The following TBCEL variants were observed in gnomAD, a reference collection of about 807,000 sequenced individuals.
TBCEL encodes tubulin-specific chaperone cofactor E-like protein.
Under a neutral mutation model 44.2 loss-of-function variants are expected in TBCEL, and 15 were observed. The observed-to-expected ratio is 0.34, with a 90% CI of 0.23 to 0.52. TBCEL has a LOEUF of 0.52. Ranked by LOEUF, TBCEL falls within the 20% of genes least tolerant of loss-of-function variation. The pLI is 0.95. For synonymous variants in TBCEL, 171 were observed against 185.4 expected (o/e 0.92, Z 0.63); for missense variants, 319 against 506.3 (o/e 0.63, Z 3.55).
chr11:121,052,532 A>T (rs926084017), intron 4 of TBCEL, among the ~76,000 whole-genome samples: 10 of 151,802 alleles, frequency 6.6e-5, no homozygotes, highest in African/African-American at 2.4e-4. Flanking sequence ...TCCTTTTCTT[A>T]TAGCTTTTAC....
Position 121,087,083 on chromosome 11 carries a change from C to A in TBCEL, c.1262C>A (p.Ser421Tyr), listed in dbSNP as rs778000015. 1 of 1,612,946 alleles carries A rather than the reference C, an allele frequency of 6.2e-7. No homozygotes were observed. Among genetic ancestry groups the A allele is most frequent in the Admixed American group, 1.7e-5 (1 of 59,858 alleles). The change falls in exon 9 of 9, where the codon TCC becomes TAC. Residue 421 changes from serine (S) to tyrosine (Y), a missense_variant. Ser to Tyr is a moderately radical substitution (Grantham distance 144, BLOSUM62 -2). Transcript: ENST00000683345. Reference sequence around the variant, plus strand: ...GATGGAGATAAAATTTACGTGGAATCCAAAACAAAATAACCTCTACCAGCC... The same window carrying A: ...GATGGAGATAAAATTTACGTGGAATACAAAACAAAATAACCTCTACCAGCC... ...IRDGDKIYVESKTK is the reference protein window; with the variant it reads ...IRDGDKIYVEYKTK
chr11:121,050,206 G>A lies in TBCEL; in HGVS notation c.273+2539G>A, dbSNP rs10160546. On this transcript the variant is annotated intron_variant, in intron 4 of 8. Transcript: ENST00000683345. ...TGGCCAGGCTACAAATGCTTCATAG[G>A]TCGCCTGTTTTAGGACATTACATTT... 8.1e-3 allele frequency among the ~76,000 whole-genome samples: 1,222 copies of A among 151,732 alleles called. 18 individuals are homozygous for A. The highest frequency in any genetic ancestry group is 0.028 in the African/African-American group (1,168 of 41,446).
Position 121,045,767 on chromosome 11 carries a change from G to T in TBCEL, c.77G>T (p.Arg26Leu). 6.2e-7 allele frequency: 1 copy of T among 1,611,440 alleles called. No homozygotes were observed. The highest frequency in any genetic ancestry group is 8.5e-7 in the Non-Finnish European group (1 of 1,179,020). ...KYSPENFPYR[R>L]GPGMGVHVPA... is the part of the protein sequence containing the mutation. ...AGTCCTGAAAATTTTCCTTATCGCC[G>T]TGGCCCGGGGATGGGAGTCCATGTC... The change falls in exon 3 of 9, where the codon CGT (arginine) becomes CTT (leucine). Residue 26 changes from arginine to leucine, a missense_variant. Transcript: ENST00000683345.
At chr11:121,033,584 C>T (rs1591379289) in intron 1 of TBCEL, among the ~76,000 whole-genome samples, 1 of 152,126 alleles carries the variant, frequency 6.6e-6, no homozygotes, top group African/African-American at 2.4e-5. Context: ...GTAGACCTCA[C>T]CTATATTCAT....
chr11:121,059,887 G>T, intron 7 of TBCEL, 82 bp from the exon 8 acceptor site: 1 of 945,984 alleles, frequency 1.1e-6, no homozygotes. Context: ...AATAAGACTG[G>T]GCCACAAGCC....
chr11:121,040,173 T>G (rs1024011103), intron 2 of TBCEL, among the ~76,000 whole-genome samples: 1 of 152,162 alleles, frequency 6.6e-6, no homozygotes, highest in African/African-American at 2.4e-5. Context: ...TTTCCTTTTT[T>G]AATCTCTACA....
At position 121,084,255 on chromosome 11, in the gene TBCEL, C is replaced by A. The variant is rs530279933; in HGVS notation, c.957-2523C>A. 2.6e-5 allele frequency among the ~76,000 whole-genome samples: 4 copies of A among 152,244 alleles called. No homozygotes were observed. The East Asian group carries it at 7.7e-4, about 29-fold the overall frequency. ...TAATTTTGGGCCATTCTTTCTGATT[C>A]ATTTATTTGGGTCTGTGGTGGTGGT... On this transcript the variant is annotated intron_variant, in intron 8 of 8. Coordinates refer to ENST00000683345, the MANE Select transcript of TBCEL (RefSeq NM_001363644.2).
chr11:121,032,189 T>C (rs1945158153), intron 1 of TBCEL, among the ~76,000 whole-genome samples: 1 of 152,214 alleles, frequency 6.6e-6, no homozygotes, highest in Admixed American at 6.5e-5. Context: ...GCACCAATTA[T>C]TGAATAGCTT....
At chr11:121,053,915 C>T (rs2134945364) in intron 5 of TBCEL, among the ~76,000 whole-genome samples, 183 bp downstream of exon 5, 1 of 151,884 alleles carries the variant, frequency 6.6e-6, no homozygotes, top group African/African-American at 2.4e-5. Context: ...CAGTGGAATA[C>T]ATGTTCAGTG....
chr11:121,060,956 T>C (rs1945711122), intron 8 of TBCEL, among the ~76,000 whole-genome samples: 1 of 151,950 alleles, frequency 6.6e-6, no homozygotes, highest in African/African-American at 2.4e-5. Flanking sequence ...GTGTCTATTT[T>C]CCCCCCAAAG....
chr11:121,064,861 CTG>C (rs1482297652), intron 8 of TBCEL, among the ~76,000 whole-genome samples: 2 of 152,084 alleles, frequency 1.3e-5, no homozygotes, highest in African/African-American at 4.8e-5. Context: ...GAGTCTCACT[CTG>C]TCGCCCAGGC....
At chr11:121,068,256 C>T (rs1945857620) in intron 8 of TBCEL, among the ~76,000 whole-genome samples, 1 of 152,078 alleles carries the variant, frequency 6.6e-6, no homozygotes, top group Admixed American at 6.5e-5. Context: ...CCTCCCTCAC[C>T]CCTAGCCCCC....
At position 121,089,141 on chromosome 11, in the gene TBCEL, A is replaced by T. The variant is rs1297810014; in HGVS notation, c.*2045A>T. On this transcript the variant is annotated 3_prime_UTR_variant, in exon 9 of 9. Transcript: ENST00000683345. ...TTGCTTTTGTCAGCCTGGGAAACAG[A>T]TGCGTTCTTATTTTTTGAAGTTGTG... 1 of 152,196 alleles carries T rather than the reference A, an allele frequency of 6.6e-6. No individual in the cohort carries two copies. The highest frequency in any genetic ancestry group is 1.5e-5 in the Non-Finnish European group (1 of 68,032). The allele number at this position is 152,196 out of a possible 1,614,324, so 9.4% of individuals were successfully genotyped here. A position where few individuals can be genotyped will look rare whatever the true frequency, so the allele number is the denominator to read the frequency against.
chr11:121,078,368 A>G (rs1252922625), intron 8 of TBCEL, among the ~76,000 whole-genome samples: 5 of 152,002 alleles, frequency 3.3e-5, no homozygotes, highest in African/African-American at 9.7e-5. Flanking sequence ...CTCCCTGTCT[A>G]ATGGTTTTGC....
Position 121,042,226 on chromosome 11 carries a change from G to A in TBCEL, c.-17-3448G>A, listed in dbSNP as rs117677915. On this transcript the variant is annotated intron_variant, in intron 2 of 8. Transcript: ENST00000683345. ...ACACTTTTTATTCTTTTGAACTGCT[G>A]ATTGTATGAAAGAACAATGTAACTT... 7.4e-3 allele frequency among the ~76,000 whole-genome samples: 1,125 copies of A among 152,230 alleles called. 7 individuals carry two copies. The highest frequency in any genetic ancestry group is 0.019 in the Admixed American group (296 of 15,278).
chr11:121,058,942 C>T (rs1945670435), intron 7 of TBCEL, among the ~76,000 whole-genome samples: 1 of 151,910 alleles, frequency 6.6e-6, no homozygotes, highest in African/African-American at 2.4e-5. Context: ...CAATTATTAT[C>T]TTCTGTCTGA....
rs539442473 is a variant in TBCEL, at chr11:121,087,768, C to T, written c.*672C>T. 2 of 152,154 alleles carry T rather than the reference C, an allele frequency of 1.3e-5. No homozygotes were observed. Among genetic ancestry groups the T allele is most frequent in the South Asian group, 2.1e-4 (1 of 4,818 alleles). 9.4% of individuals were successfully genotyped at this position (152,154 alleles called of 1,614,324 possible). A position where few individuals can be genotyped will look rare whatever the true frequency, so the allele number is the denominator to read the frequency against. On this transcript the variant is annotated 3_prime_UTR_variant, in exon 9 of 9. Coordinates refer to ENST00000683345, the MANE Select transcript of TBCEL (RefSeq NM_001363644.2). ...AGAAGCTATAACTCTGTTAGAACCT[C>T]GAAGAGTAGATGTAGAATGAAAACT...
At chr11:121,075,363 A>C (rs1405295853) in intron 8 of TBCEL, among the ~76,000 whole-genome samples, 1 of 151,924 alleles carries the variant, frequency 6.6e-6, no homozygotes, top group African/African-American at 2.4e-5. Context: ...ATGAACCTCA[A>C]CCTAAATCTG....
chr11:121,088,077 CTA>C lies in TBCEL; in HGVS notation c.*983_*984del, dbSNP rs1022136317. 4.6e-5 allele frequency: 7 copies of C among 152,176 alleles called. No individual in the cohort carries two copies. Among genetic ancestry groups the C allele is most frequent in the African/African-American group, 1.7e-4 (7 of 41,438 alleles). The allele number at this position is 152,176 out of a possible 1,614,324, so 9.4% of individuals were successfully genotyped here. A position where few individuals can be genotyped will look rare whatever the true frequency, so the allele number is the denominator to read the frequency against. On this transcript the variant is annotated 3_prime_UTR_variant, in exon 9 of 9. Transcript: ENST00000683345. ...GGAGAGTTGAGAATTAGCTCATAAA[CTA>C]TCTGTGGTGTGTGTGGGGAATGAAG...
Sources: allele counts gnomAD v4.1 joint callset (sites outside exome capture counted in the v4.1 genomes callset), GRCh38; gene constraint gnomAD v4.1.1; transcripts MANE v1.5; gene names NCBI Gene and HGNC (gene_info 2026-07-23, HGNC 2026-07-21).